KANSL1L: variants seen among roughly 807,000 people sequenced by gnomAD.
The protein encoded by KANSL1L is KAT8 regulatory NSL complex subunit 1-like protein.
A neutral mutation model predicts 108.6 loss-of-function variants in KANSL1L; 25 were observed. That is an observed-to-expected ratio of 0.23 (90% CI 0.17 to 0.32). The LOEUF (loss-of-function observed/expected upper bound fraction) is 0.32. Among genes scored for constraint, KANSL1L ranks in the 10% least tolerant of loss-of-function variants. KANSL1L has a pLI of 1.00. For missense variants in KANSL1L, 1,137 were observed against 1,125.7 expected, an observed-to-expected ratio of 1.01 and a Z score of -0.14; for synonymous variants, 405 against 395.1, an observed-to-expected ratio of 1.03 and a Z score of -0.30.
intron 8 of KANSL1L, among the ~76,000 whole-genome samples, chr2:210,039,448 T>C (rs1575395228): frequency 6.6e-6 from 1 of 152,050 alleles, no homozygotes; most frequent in East Asian, 1.9e-4. Context: ...TTGGTACTTA[T>C]AAAAGCTGCT....
intron 2 of KANSL1L, among the ~76,000 whole-genome samples, chr2:210,134,434 C>T (rs373517227): frequency 4.6e-5 from 7 of 152,012 alleles, no homozygotes; most frequent in Admixed American, 1.3e-4. Context: ...CATACATACA[C>T]ACATGTCTAG....
intron 5 of KANSL1L, among the ~76,000 whole-genome samples, chr2:210,090,079 A>AT (rs2094679516): frequency 6.6e-6 from 1 of 152,238 alleles, no homozygotes. Flanking sequence ...ACTATCTAAG[A>AT]TAAGAAATAA....
chr2:210,031,826 T>G (rs941107450), intron 8 of KANSL1L, among the ~76,000 whole-genome samples: 5 of 152,216 alleles, frequency 3.3e-5, no homozygotes, highest in Non-Finnish European at 1.5e-5. Flanking sequence ...TTGGCTCAGA[T>G]ATATAAATCT....
intron 6 of KANSL1L, among the ~76,000 whole-genome samples, chr2:210,052,974 T>C (rs1394180445): frequency 1.3e-5 from 2 of 152,248 alleles, no homozygotes; most frequent in African/African-American, 4.8e-5. Context: ...TTTGCACATA[T>C]GAACTGGACT....
intron 2 of KANSL1L, among the ~76,000 whole-genome samples, chr2:210,132,787 A>G (rs1423737438): frequency 2.0e-5 from 3 of 151,938 alleles, no homozygotes; most frequent in Non-Finnish European, 4.4e-5. Flanking sequence ...TTCTCTTGTC[A>G]TATTTGGTTT....
At chr2:210,082,089 ATGCC>A (rs1427890611) in intron 5 of KANSL1L, among the ~76,000 whole-genome samples, 3 of 152,148 alleles carry the variant, frequency 2.0e-5, no homozygotes, top group African/African-American at 7.2e-5. Context: ...GCATGCCACC[ATGCC>A]TGGCTAATTT....
Position 210,031,485 on chromosome 2 carries a change from C to G in KANSL1L, c.2091G>C (p.Arg697Ser). 1 of 1,584,618 alleles carries G rather than the reference C, an allele frequency of 6.3e-7. No homozygotes were observed. Among genetic ancestry groups the G allele is most frequent in the East Asian group, 2.2e-5 (1 of 44,526 alleles). ...GTAACAGTTGTGCAGAAGATTCTGACCTTATTTGAGGCTTACATATAGGTG... is the reference window on the plus strand; with the variant it reads ...GTAACAGTTGTGCAGAAGATTCTGAGCTTATTTGAGGCTTACATATAGGTG... The part of the protein sequence containing the change: ...GYSPICKPQI[R>S]SESSAQLLQG... Residue 697 changes from arginine (R) to serine (S), a missense_variant, in exon 9 of 15, where the codon AGG (arginine) becomes AGC (serine). Physicochemically the swap from Arg to Ser is moderately radical, Grantham distance 110. This residue lies in a region of KANSL1L where 575 missense variants were observed against 567.1 expected (regional missense o/e 1.01). Coordinates refer to ENST00000281772, the MANE Select transcript of KANSL1L (RefSeq NM_152519.4).
At chr2:210,101,561 A>G (rs987990829) in intron 4 of KANSL1L, among the ~76,000 whole-genome samples, 3 of 152,228 alleles carry the variant, frequency 2.0e-5, no homozygotes, top group African/African-American at 7.2e-5. Context: ...ACTAGGATCA[A>G]ACCGAACAAG....
chr2:210,120,831 G>A (rs898449749), intron 3 of KANSL1L, among the ~76,000 whole-genome samples: 2 of 152,074 alleles, frequency 1.3e-5, no homozygotes, highest in African/African-American at 4.8e-5. Flanking sequence ...AAAAAAGTGG[G>A]CAAAGGACAT....
chr2:210,079,518 C>G (rs867364317), intron 5 of KANSL1L, among the ~76,000 whole-genome samples: 1 of 148,138 alleles, frequency 6.8e-6, no homozygotes, highest in African/African-American at 2.5e-5. Flanking sequence ...ATCGCTTGAA[C>G]CTGGGAGGCA....
intron 2 of KANSL1L, among the ~76,000 whole-genome samples, chr2:210,142,817 A>T (rs1483394452): frequency 6.6e-6 from 1 of 152,122 alleles, no homozygotes; most frequent in East Asian, 1.9e-4. Flanking sequence ...TGGAAAAAAT[A>T]CTTGATATGA....
intron 1 of KANSL1L, among the ~76,000 whole-genome samples, chr2:210,166,143 T>G (rs1687946426): frequency 6.6e-6 from 1 of 152,204 alleles, no homozygotes; most frequent in Non-Finnish European, 1.5e-5. Flanking sequence ...TCTTGCCCTG[T>G]TGTCTCCAGA....
intron 1 of KANSL1L, among the ~76,000 whole-genome samples, chr2:210,157,649 C>T (rs940700859): frequency 7.2e-6 from 1 of 139,726 alleles, no homozygotes; most frequent in Non-Finnish European, 1.5e-5. Context: ...GTGATTGCAC[C>T]ACTGCCCTCC....
chr2:210,141,198 T>A (rs1180927371), intron 2 of KANSL1L, among the ~76,000 whole-genome samples: 1 of 126,198 alleles, frequency 7.9e-6, no homozygotes, highest in East Asian at 1.9e-4. Flanking sequence ...CTTTCTCTTT[T>A]TCTTTTTTCT....
chr2:210,048,177 T>A (rs543807143), intron 6 of KANSL1L, among the ~76,000 whole-genome samples: 30 of 152,324 alleles, frequency 2.0e-4, no homozygotes, highest in African/African-American at 7.0e-4. Flanking sequence ...TCATGCCTCC[T>A]AAAACATCAC....
intron 5 of KANSL1L, among the ~76,000 whole-genome samples, chr2:210,081,870 A>G (rs751686334): frequency 2.6e-5 from 4 of 152,244 alleles, no homozygotes; most frequent in Non-Finnish European, 5.9e-5. Context: ...CAACTTTAAA[A>G]AAAGATATAT....
intron 6 of KANSL1L, among the ~76,000 whole-genome samples, chr2:210,065,581 T>C (rs1196451096): frequency 2.1e-3 from 2 of 940 alleles, no homozygotes; most frequent in Non-Finnish European, 0.016. Context: ...TGGACATGAT[T>C]TTTTTTTTTT....
intron 3 of KANSL1L, among the ~76,000 whole-genome samples, chr2:210,110,688 A>T (rs1488422039): frequency 6.6e-6 from 1 of 152,226 alleles, no homozygotes; most frequent in African/African-American, 2.4e-5. Flanking sequence ...TGAACCTCTC[A>T]ATCTATGAGA....
chr2:210,132,859 A>G (rs1369471609), intron 2 of KANSL1L, among the ~76,000 whole-genome samples: 3 of 152,140 alleles, frequency 2.0e-5, no homozygotes, highest in Non-Finnish European at 4.4e-5. Flanking sequence ...TGATTTTCTG[A>G]AGGAATTTAT....
Sources: allele counts gnomAD v4.1 joint callset (sites outside exome capture counted in the v4.1 genomes callset), GRCh38; gene constraint gnomAD v4.1.1; regional missense constraint gnomAD v4.1.1; transcripts MANE v1.5; gene names NCBI Gene and HGNC (gene_info 2026-07-23, HGNC 2026-07-21).